The following SNX10 variants were observed in gnomAD, a reference collection of about 807,000 sequenced individuals.
SNX10 encodes the protein sorting nexin 10, also known as sorting nexin-10.
In SNX10, 25 loss-of-function variants were observed where a neutral mutation model predicts 28.5. The ratio of observed to expected loss-of-function variants is 0.88; its 90% CI spans 0.64 to 1.22. The LOEUF (loss-of-function observed/expected upper bound fraction) is 1.22. Ranked by LOEUF, SNX10 falls within the 50% of genes most tolerant of loss-of-function variation. The probability of loss-of-function intolerance (pLI) is 0.00; values close to 1 mark genes in which losing one functional copy is unlikely to be tolerated. For synonymous variants in SNX10, 62 were observed against 81.4 expected, an observed-to-expected ratio of 0.76 and a Z score of 1.28; for missense variants, 223 against 242.6, an observed-to-expected ratio of 0.92 and a Z score of 0.54.
rs1180040720 is a variant in SNX10 at position 26,326,697 on chromosome 7, C to A, written c.-23-19723C>A. Among the ~76,000 whole-genome samples the A allele has an allele frequency of 2.0e-5, 3 of 152,126 alleles. No individual in the cohort carries two copies. The South Asian group carries it at 6.2e-4, about 31-fold the overall frequency. On this transcript the variant is annotated intron_variant, in intron 1 of 6. Coordinates refer to ENST00000338523, the MANE Select transcript of SNX10 (RefSeq NM_013322.3). ...AAATGGGAATAATATTAGTACCTAT[C>A]ATTTTTGTTTTTGTTTTTTAAATAT...
At chr7:26,362,299 T>C (rs1002118822) in intron 3 of SNX10, among the ~76,000 whole-genome samples, 48 of 152,348 alleles carry the variant, frequency 3.2e-4, no homozygotes, top group African/African-American at 9.6e-4. Flanking sequence ...TGAAATAGTT[T>C]TAGTTGCCTT....
intron 1 of SNX10, among the ~76,000 whole-genome samples, chr7:26,305,434 A>G (rs1786548455): frequency 6.6e-6 from 1 of 152,180 alleles, no homozygotes. Context: ...AGCAGCTCTT[A>G]TTGTAGAGTG....
intron 1 of SNX10, among the ~76,000 whole-genome samples, chr7:26,309,575 C>T (rs914078976): frequency 6.6e-6 from 1 of 152,152 alleles, no homozygotes; most frequent in African/African-American, 2.4e-5. Context: ...AGTATTACGT[C>T]TTTTCAGGTA....
chr7:26,310,591 A>C (rs1028652634), intron 1 of SNX10, among the ~76,000 whole-genome samples: 3 of 152,028 alleles, frequency 2.0e-5, no homozygotes, highest in Admixed American at 6.5e-5. Flanking sequence ...GGAAGGAGCC[A>C]CCTTGGTGAG....
intron 2 of SNX10, among the ~76,000 whole-genome samples, chr7:26,348,168 C>T (rs1788461507): frequency 6.6e-6 from 1 of 152,172 alleles, no homozygotes; most frequent in African/African-American, 2.4e-5. Flanking sequence ...GTGCCCTTTT[C>T]CAGTCAGTCC....
chr7:26,340,416 A>G (rs1458708439), intron 1 of SNX10, among the ~76,000 whole-genome samples: 1 of 152,192 alleles, frequency 6.6e-6, no homozygotes, highest in East Asian at 1.9e-4. Flanking sequence ...CAAAACCTCA[A>G]ATATTTACTA....
At chr7:26,295,906 G>A (rs970658250) in intron 1 of SNX10, among the ~76,000 whole-genome samples, 2 of 152,248 alleles carry the variant, frequency 1.3e-5, no homozygotes, top group Admixed American at 1.3e-4. Context: ...TGAGGCACAG[G>A]CAGCCATTCA....
intron 1 of SNX10, among the ~76,000 whole-genome samples, chr7:26,308,508 G>A (rs1786682684): frequency 6.6e-6 from 1 of 152,174 alleles, no homozygotes; most frequent in South Asian, 2.1e-4. Flanking sequence ...TGAAGTCTGT[G>A]TAAAAGGCCC....
chr7:26,294,765 G>A (rs1034652732), intron 1 of SNX10, among the ~76,000 whole-genome samples: 15 of 152,320 alleles, frequency 9.8e-5, no homozygotes, highest in African/African-American at 3.4e-4. Context: ...TCCTAAGTAC[G>A]TTAACAACCC....
At chr7:26,369,356 G>T (rs1453915297) in intron 5 of SNX10, among the ~76,000 whole-genome samples, 1 of 152,098 alleles carries the variant, frequency 6.6e-6, no homozygotes, top group Non-Finnish European at 1.5e-5. Flanking sequence ...GGCAGTCACA[G>T]CCCTCTCTGA....
At chr7:26,338,790 G>C (rs1045402746) in intron 1 of SNX10, among the ~76,000 whole-genome samples, 2 of 152,138 alleles carry the variant, frequency 1.3e-5, no homozygotes, top group Admixed American at 1.3e-4. Flanking sequence ...GGAATCGTAG[G>C]GGGGTCAAAA....
chr7:26,361,434 T>G (rs1169636772), intron 3 of SNX10, among the ~76,000 whole-genome samples: 6 of 152,206 alleles, frequency 3.9e-5, no homozygotes, highest in African/African-American at 1.4e-4. Context: ...TGAGAGGATA[T>G]AGAGTTCTTT....
Position 26,372,493 on chromosome 7 carries a change from C to T in SNX10, c.527C>T (p.Ser176Leu). 1 of 1,600,816 alleles carries T rather than the reference C, an allele frequency of 6.2e-7. No homozygotes were observed. Among genetic ancestry groups the T allele is most frequent in the Non-Finnish European group, 8.6e-7 (1 of 1,168,110 alleles). ...TTTCCCCCTCTCTTCTTTTCCAGTT[C>T]ATCCTCTGGGCTTGGACACAGTAGT... Reference protein sequence around the residue: ...ENDIDYDSESSSSGLGHSSDD... With the variant: ...ENDIDYDSESLSSGLGHSSDD... The change falls in exon 7 of 7, where the codon TCA (serine) becomes TTA (leucine). Residue 176 changes from serine (S) to leucine (L), a missense_variant and splice_region_variant. Physicochemically the swap from Ser to Leu is moderately radical, Grantham distance 145. Coordinates refer to ENST00000338523, the MANE Select transcript of SNX10 (RefSeq NM_013322.3).
chr7:26,353,016 T>G (rs923991619), intron 2 of SNX10, among the ~76,000 whole-genome samples: 1 of 152,182 alleles, frequency 6.6e-6, no homozygotes, highest in South Asian at 2.1e-4. Context: ...TTTCCTGATG[T>G]GTTACAAGAT....
rs1789657942 is a variant in SNX10, at chr7:26,373,544, T to C, written c.*972T>C. On this transcript the variant is annotated 3_prime_UTR_variant, in exon 7 of 7. Coordinates refer to ENST00000338523, the MANE Select transcript of SNX10 (RefSeq NM_013322.3). This position sits in a 1 kb window ranked among gnomAD's most constrained non-coding sequence, Gnocchi z 4.2. Reference sequence around the variant, plus strand: ...TAATTATTCATTTTTAAAAAGCCCCTTTTAAAGCATCTACTTGAAGATTGG... The same window carrying C: ...TAATTATTCATTTTTAAAAAGCCCCCTTTAAAGCATCTACTTGAAGATTGG... 1 of 152,096 alleles carries C rather than the reference T, an allele frequency of 6.6e-6. No homozygotes were observed. The highest frequency in any genetic ancestry group is 2.4e-5 in the African/African-American group (1 of 41,460). The allele number at this position is 152,096 out of a possible 1,614,324, so 9.4% of individuals were successfully genotyped here.
At chr7:26,335,991 A>C (rs1044808696) in intron 1 of SNX10, among the ~76,000 whole-genome samples, 4 of 151,820 alleles carry the variant, frequency 2.6e-5, no homozygotes, top group Non-Finnish European at 4.4e-5. Flanking sequence ...TCGGCCTCCC[A>C]AAGTGCTGGG....
chr7:26,308,628 G>A (rs375814894), intron 1 of SNX10, among the ~76,000 whole-genome samples: 19 of 152,266 alleles, frequency 1.2e-4, no homozygotes, highest in East Asian at 1.2e-3. Context: ...TGTCCTGTGC[G>A]TCTCCATCTG....
At chr7:26,313,548 G>C (rs181468800) in intron 1 of SNX10, among the ~76,000 whole-genome samples, 2 of 152,164 alleles carry the variant, frequency 1.3e-5, no homozygotes, top group Non-Finnish European at 2.9e-5. Context: ...GCCTTTAAAG[G>C]CTGCCTGTTA....
At chr7:26,344,931 C>A (rs1329931520) in intron 1 of SNX10, among the ~76,000 whole-genome samples, 6 of 152,316 alleles carry the variant, frequency 3.9e-5, no homozygotes, top group African/African-American at 1.4e-4. Context: ...AGCCCTGCTC[C>A]CCTGCAGAGG....
Sources: gnomAD v4.1 joint callset for allele counts (sites outside exome capture counted in the v4.1 genomes callset) on GRCh38, gnomAD v4.1.1 for gene constraint, Gnocchi (gnomAD v3.1) non-coding constraint, MANE v1.5 for transcripts, NCBI Gene and HGNC (gene_info 2026-07-23, HGNC 2026-07-21) for gene names.